MAP3K5: variants seen among roughly 807,000 people sequenced by gnomAD.
The protein encoded by MAP3K5 is mitogen-activated protein kinase kinase kinase 5, also known as ASK-1.
Under a neutral mutation model 158.7 loss-of-function variants are expected in MAP3K5, and 56 were observed. The observed-to-expected ratio is 0.35, with a 90% CI of 0.28 to 0.44. The LOEUF (loss-of-function observed/expected upper bound fraction) is 0.44, where lower values mean the gene tolerates loss of function less well. Among genes scored for constraint, MAP3K5 ranks in the 20% least tolerant of loss-of-function variants. MAP3K5 has a pLI of 1.00. For synonymous variants in MAP3K5, 579 were observed against 601.7 expected, an observed-to-expected ratio of 0.96 and a Z score of 0.55; for missense variants, 1,294 against 1,674.8, an observed-to-expected ratio of 0.77 and a Z score of 3.97.
intron 14 of MAP3K5, among the ~76,000 whole-genome samples, chr6:136,632,929 T>G (rs1004051968): frequency 6.6e-6 from 1 of 152,180 alleles, no homozygotes; most frequent in African/African-American, 2.4e-5. Context: ...TCAAAATACA[T>G]CCTTGAGTCA....
At chr6:136,709,035 T>C (rs967574241) in intron 2 of MAP3K5, among the ~76,000 whole-genome samples, 3 of 152,178 alleles carry the variant, frequency 2.0e-5, no homozygotes, top group Admixed American at 2.0e-4. Flanking sequence ...CCAACAGAAG[T>C]AGATTATGTC....
At chr6:136,760,678 A>G (rs1783709823) in intron 1 of MAP3K5, among the ~76,000 whole-genome samples, 1 of 152,170 alleles carries the variant, frequency 6.6e-6, no homozygotes, top group East Asian at 1.9e-4. Context: ...TGCCCTTATA[A>G]AACACTCCAG....
At chr6:136,652,530 C>T (rs990122094) in intron 10 of MAP3K5, among the ~76,000 whole-genome samples, 2 of 152,116 alleles carry the variant, frequency 1.3e-5, no homozygotes, top group Admixed American at 1.3e-4. Flanking sequence ...AAATGGTGCT[C>T]TCATATCTGA....
At chr6:136,642,636 G>A in intron 11 of MAP3K5, 67 bp from the exon 12 acceptor site, 2 of 1,139,972 alleles carry the variant, frequency 1.8e-6, no homozygotes, top group South Asian at 2.6e-5. Context: ...CAATAATTTT[G>A]TTTAATTATT....
chr6:136,786,800 CTTTTTTTTTT>C (rs11296757), intron 1 of MAP3K5, among the ~76,000 whole-genome samples: 1 of 101,186 alleles, frequency 9.9e-6, no homozygotes, highest in African/African-American at 4.1e-5. Context: ...TTAAGTTCTT[CTTTTTTTTTT>C]TTTTTTTTTT....
chr6:136,632,967 T>G (rs1468431343), intron 14 of MAP3K5, among the ~76,000 whole-genome samples: 1 of 152,192 alleles, frequency 6.6e-6, no homozygotes, highest in Non-Finnish European at 1.5e-5. Context: ...TCAAAAGAAA[T>G]TGATTTTCTT....
chr6:136,694,341 A>G (rs756168722), intron 6 of MAP3K5, 31 bp from the exon 7 acceptor site: 2 of 1,561,792 alleles, frequency 1.3e-6, no homozygotes, highest in Non-Finnish European at 1.7e-6. Flanking sequence ...GTTTCAATAT[A>G]CATTACAGAA....
intron 11 of MAP3K5, among the ~76,000 whole-genome samples, chr6:136,643,052 A>G (rs1182072849): frequency 6.6e-6 from 1 of 152,118 alleles, no homozygotes; most frequent in Non-Finnish European, 1.5e-5. Flanking sequence ...AAACTAGTAG[A>G]ACAAGAATGT....
chr6:136,581,023 A>G (rs1322796242), intron 24 of MAP3K5, among the ~76,000 whole-genome samples: 1 of 152,140 alleles, frequency 6.6e-6, no homozygotes, highest in Non-Finnish European at 1.5e-5. Flanking sequence ...CATTAAGTAC[A>G]TTCACATTAT....
At chr6:136,560,678 T>C (rs1830467859) in intron 28 of MAP3K5, among the ~76,000 whole-genome samples, 1 of 152,150 alleles carries the variant, frequency 6.6e-6, no homozygotes, top group Non-Finnish European at 1.5e-5. Flanking sequence ...CCTGGCGTGG[T>C]GGTTCATGCC....
intron 7 of MAP3K5, among the ~76,000 whole-genome samples, chr6:136,675,118 TAA>T (rs1186079671): frequency 6.6e-6 from 1 of 151,856 alleles, no homozygotes; most frequent in South Asian, 2.1e-4. Context: ...TTCATAATGA[TAA>T]AGAGGTAAAT....
chr6:136,669,207 A>G (rs1337796573), intron 8 of MAP3K5, 76 bp downstream of exon 8: 1 of 926,596 alleles, frequency 1.1e-6, no homozygotes, highest in Non-Finnish European at 1.8e-6. Context: ...AGATTTATCT[A>G]TTCATGATTC....
In MAP3K5 at chr6:136,557,627, TAACA is replaced by T; in HGVS notation, c.*127_*130del. 1 of 574,794 alleles carries T rather than the reference TAACA, an allele frequency of 1.7e-6. No homozygotes were observed. The highest frequency in any genetic ancestry group is 1.9e-5 in the African/African-American group (1 of 52,532). 35.6% of individuals were successfully genotyped at this position (574,794 alleles called of 1,614,324 possible). On this transcript the variant is annotated 3_prime_UTR_variant, in exon 30 of 30. Transcript: ENST00000359015. ...GTGTTTTGTCTGTTTTTTTTTTTTT[TAACA>T]TGAGTAAACAAATACTGGATTTAAA...
intron 1 of MAP3K5, among the ~76,000 whole-genome samples, chr6:136,756,596 A>G (rs972028429): frequency 3.9e-5 from 6 of 152,122 alleles, no homozygotes; most frequent in Admixed American, 6.5e-5. Context: ...TCTCTTTATC[A>G]TAAGTGTCCT....
intron 8 of MAP3K5, among the ~76,000 whole-genome samples, chr6:136,663,712 C>A (rs1168916035): frequency 1.3e-5 from 2 of 150,920 alleles, no homozygotes; most frequent in African/African-American, 2.4e-5. Context: ...CAGGTTCAAG[C>A]GATTCTCCTG....
chr6:136,697,665 C>T (rs1007064142), intron 4 of MAP3K5, among the ~76,000 whole-genome samples: 2 of 151,122 alleles, frequency 1.3e-5, no homozygotes, highest in African/African-American at 4.9e-5. Context: ...ACTTAAAATG[C>T]CAAAACTTTG....
In MAP3K5 at chr6:136,557,511, C is replaced by G. The variant is rs1395774894; in HGVS notation, c.*247G>C. 1 of 363,780 alleles carries G rather than the reference C, an allele frequency of 2.7e-6. No individual in the cohort carries two copies. The highest frequency in any genetic ancestry group is 2.1e-5 in the African/African-American group (1 of 47,126). 22.5% of individuals were successfully genotyped at this position (363,780 alleles called of 1,614,324 possible). A position where few individuals can be genotyped will look rare whatever the true frequency, so the allele number is the denominator to read the frequency against. On this transcript the variant is annotated 3_prime_UTR_variant, in exon 30 of 30. Coordinates refer to ENST00000359015, the MANE Select transcript of MAP3K5 (RefSeq NM_005923.4). ...ATGCTTAGATTAAAATCTTCCTGAA[C>G]ATTAGGGTTCTAATGTTCAGGATTA...
intron 1 of MAP3K5, among the ~76,000 whole-genome samples, chr6:136,740,604 G>A (rs1782669462): frequency 6.6e-6 from 1 of 151,918 alleles, no homozygotes; most frequent in African/African-American, 2.4e-5. Context: ...TTAAGAGCAA[G>A]ACTGAGACAA....
chr6:136,678,717 G>A (rs2114579782), intron 7 of MAP3K5, among the ~76,000 whole-genome samples: 1 of 151,934 alleles, frequency 6.6e-6, no homozygotes, highest in East Asian at 1.9e-4. Context: ...TTGTTGAAAG[G>A]GGGCAAATAA....
Sources: allele counts gnomAD v4.1 joint callset (sites outside exome capture counted in the v4.1 genomes callset), GRCh38; gene constraint gnomAD v4.1.1; transcripts MANE v1.5; gene names NCBI Gene and HGNC (gene_info 2026-07-23, HGNC 2026-07-21).